The following PTPRN2 variants were observed in gnomAD, a reference collection of about 807,000 sequenced individuals.
The protein encoded by PTPRN2 is protein tyrosine phosphatase receptor type N2.
PTPRN2 carries 74 observed loss-of-function variants against 118.8 expected under a neutral mutation model. That is an observed-to-expected ratio of 0.62 (90% CI 0.52 to 0.76). The LOEUF is 0.76. PTPRN2 is among the 30% of genes least tolerant of loss of function. The pLI, the probability that PTPRN2 is intolerant of heterozygous loss-of-function variation, is 0.00. For missense variants in PTPRN2, 1,481 were observed against 1,394.4 expected (o/e 1.06, Z -0.99); for synonymous variants, 641 against 608.0 (o/e 1.05, Z -0.80).
At position 157,621,416 on chromosome 7, in the gene PTPRN2, C is replaced by T. The variant is rs767865427; in HGVS notation, c.2290G>A (p.Val764Met). The T allele has an allele frequency of 5.5e-5, 89 of 1,614,000 alleles. 1 individual carries two copies. In the East Asian group the frequency reaches 1.3e-3, roughly 24 times the overall value. Reference sequence around the variant, plus strand: ...GGCACGTTCTCCTCCCTCTGGGCCACGAACGAGCTGTTGGGCTCCGCCTGG... The same window carrying T: ...GGCACGTTCTCCTCCCTCTGGGCCATGAACGAGCTGTTGGGCTCCGCCTGG... ...AYQAEPNSSF[V>M]AQREENVPKN... is the part of the protein sequence containing the mutation. The change falls in exon 15 of 23, where the codon GTG (valine) becomes ATG (methionine). Residue 764 changes from valine to methionine, a missense_variant. Physicochemically the swap from Val to Met is conservative, Grantham distance 21. Around this residue, in one of 3 missense-constraint regions of PTPRN2, gnomAD observed 362 missense variants for 384.1 expected, o/e 0.94. Coordinates refer to ENST00000389418, the MANE Select transcript of PTPRN2 (RefSeq NM_002847.5).
chr7:157,668,683 C>A (rs1393348873), intron 13 of PTPRN2, among the ~76,000 whole-genome samples: 2 of 152,148 alleles, frequency 1.3e-5, no homozygotes, highest in Non-Finnish European at 2.9e-5. Context: ...AGCCGCGGGG[C>A]CCGGTGCAAC....
chr7:158,004,188 G>C (rs1469138754), intron 11 of PTPRN2, among the ~76,000 whole-genome samples: 1 of 152,138 alleles, frequency 6.6e-6, no homozygotes, highest in Non-Finnish European at 1.5e-5. Context: ...GACTTCACAT[G>C]ATGTTTCTGC....
At chr7:157,816,966 C>A (rs1806445259) in intron 12 of PTPRN2, among the ~76,000 whole-genome samples, 1 of 152,274 alleles carries the variant, frequency 6.6e-6, no homozygotes, top group African/African-American at 2.4e-5. Context: ...CAGGGCACTG[C>A]AGATGGGCTG....
chr7:158,146,556 C>A (rs978640297), intron 6 of PTPRN2, among the ~76,000 whole-genome samples: 5 of 151,682 alleles, frequency 3.3e-5, no homozygotes, highest in Non-Finnish European at 7.4e-5. Flanking sequence ...CCCATCTCTA[C>A]TAAAAATACA....
At chr7:158,461,770 G>A (rs867395806) in intron 2 of PTPRN2, among the ~76,000 whole-genome samples, 2 of 152,272 alleles carry the variant, frequency 1.3e-5, no homozygotes, top group African/African-American at 4.8e-5. Flanking sequence ...GGTCATATGG[G>A]TTGTTTTAAA....
At position 158,533,303 on chromosome 7, in the gene PTPRN2, G is replaced by A. The variant is rs116544475; in HGVS notation, c.113-43518C>T. The stretch of plus-strand genomic sequence containing the variant: ...CACCAAAGTGAGCCTCTCACAGATG[G>A]AATCTGTGCAAACTTTAAGTCCCAA... On this transcript the variant is annotated intron_variant, in intron 1 of 22. Transcript: ENST00000389418. Among the ~76,000 whole-genome samples, 1,395 of 152,348 alleles carry A rather than the reference G, an allele frequency of 9.2e-3. 19 individuals are homozygous for A. The highest frequency in any genetic ancestry group is 0.028 in the African/African-American group (1,176 of 41,574).
At chr7:158,133,587 A>T in intron 9 of PTPRN2, 90 bp downstream of exon 9, 1 of 1,482,568 alleles carries the variant, frequency 6.7e-7, no homozygotes, top group Non-Finnish European at 8.9e-7. Flanking sequence ...AAGCGTATGC[A>T]TCCGCCACAG....
rs1802186719 is a variant in PTPRN2, at chr7:157,609,265, C to T, written c.2345-5190G>A. Among the ~76,000 whole-genome samples the T allele has an allele frequency of 6.6e-6, 1 of 152,130 alleles. No homozygotes were observed. Among genetic ancestry groups the T allele is most frequent in the Non-Finnish European group, 1.5e-5 (1 of 68,026 alleles). On this transcript the variant is annotated intron_variant, in intron 15 of 22. Transcript: ENST00000389418. This position sits in a 1 kb window ranked among gnomAD's most constrained non-coding sequence, Gnocchi z 4.9. ...AGGCGTGGTGGTGGGCGGCTGTAAT[C>T]CCAGCTACTTGGGAGGCTGAGGCAG...
At chr7:157,589,633 G>A (rs565865292) in intron 17 of PTPRN2, among the ~76,000 whole-genome samples, 4 of 152,194 alleles carry the variant, frequency 2.6e-5, no homozygotes, top group African/African-American at 7.2e-5. Context: ...ATGGGTATGA[G>A]GTGTTAAGAC....
At chr7:158,492,400 G>C (rs1046142349) in intron 1 of PTPRN2, among the ~76,000 whole-genome samples, 1 of 152,208 alleles carries the variant, frequency 6.6e-6, no homozygotes, top group African/African-American at 2.4e-5. Context: ...AGAGGCACCG[G>C]GAAGAAAGCC....
At chr7:158,147,849 CGT>C (rs1820339944) in intron 6 of PTPRN2, among the ~76,000 whole-genome samples, 2 of 120,032 alleles carry the variant, frequency 1.7e-5, no homozygotes, top group Non-Finnish European at 3.6e-5. Context: ...TCTCACGCCA[CGT>C]GTCTTTCCCC....
At chr7:157,924,218 T>C (rs1249003140) in intron 11 of PTPRN2, among the ~76,000 whole-genome samples, 2 of 152,186 alleles carry the variant, frequency 1.3e-5, no homozygotes, top group African/African-American at 4.8e-5. Flanking sequence ...AGAGGAGGTC[T>C]ATGTGGCTTC....
Position 158,432,456 on chromosome 7 carries a change from G to C in PTPRN2, c.163+57279C>G, listed in dbSNP as rs545626865. 2.6e-5 allele frequency among the ~76,000 whole-genome samples: 4 copies of C among 152,330 alleles called. No homozygotes were observed. The East Asian group carries it at 5.8e-4, about 22-fold the overall frequency. On this transcript the variant is annotated intron_variant, in intron 2 of 22. Coordinates refer to ENST00000389418, the MANE Select transcript of PTPRN2 (RefSeq NM_002847.5). ...GTCGTCTTGGAACAGTGTTCAGGAG[G>C]GGGAGGGTGCAAGCTCTGGCCCAGG...
intron 12 of PTPRN2, among the ~76,000 whole-genome samples, chr7:157,788,249 C>T (rs1360840412): frequency 1.3e-5 from 2 of 152,040 alleles, no homozygotes; most frequent in Non-Finnish European, 2.9e-5. Flanking sequence ...GTAGCATGAG[C>T]CTGTAGTCCC....
At chr7:157,887,888 C>T (rs1292319083) in intron 12 of PTPRN2, among the ~76,000 whole-genome samples, 4 of 147,006 alleles carry the variant, frequency 2.7e-5, no homozygotes, top group African/African-American at 1.0e-4. Flanking sequence ...TACCTGCTCT[C>T]CACCATACCC....
At chr7:158,527,219 C>A (rs1225253396) in intron 1 of PTPRN2, among the ~76,000 whole-genome samples, 2 of 151,214 alleles carry the variant, frequency 1.3e-5, no homozygotes, top group African/African-American at 2.5e-5. Flanking sequence ...CACCTCCCCC[C>A]ACCCCACACC....
chr7:158,348,063 C>T (rs1260593475), intron 2 of PTPRN2, among the ~76,000 whole-genome samples: 1 of 152,096 alleles, frequency 6.6e-6, no homozygotes, highest in Non-Finnish European at 1.5e-5. Flanking sequence ...GGCCCTGACC[C>T]ATTCCAAACC....
chr7:157,636,402 C>A (rs1035069253), intron 14 of PTPRN2, among the ~76,000 whole-genome samples: 1 of 152,164 alleles, frequency 6.6e-6, no homozygotes, highest in Non-Finnish European at 1.5e-5. Flanking sequence ...TTTTGGTCTA[C>A]AGACAGTTAA....
intron 2 of PTPRN2, among the ~76,000 whole-genome samples, chr7:158,459,228 A>C (rs1818764244): frequency 6.6e-6 from 1 of 152,226 alleles, no homozygotes. Context: ...GCACCACAAC[A>C]CCCAGATGAG....
Sources: allele counts gnomAD v4.1 joint callset (sites outside exome capture counted in the v4.1 genomes callset), GRCh38; gene constraint gnomAD v4.1.1; regional missense constraint gnomAD v4.1.1; non-coding constraint Gnocchi (gnomAD v3.1); transcripts MANE v1.5; gene names NCBI Gene and HGNC (gene_info 2026-07-23, HGNC 2026-07-21).